BRINP3: variants seen among roughly 807,000 people sequenced by gnomAD.
BRINP3 encodes the protein BMP/retinoic acid-inducible neural-specific protein 3.
BRINP3 carries 19 observed loss-of-function variants against 71.0 expected under a neutral mutation model. The ratio of observed to expected loss-of-function variants is 0.27; its 90% CI spans 0.19 to 0.39. The LOEUF is 0.39. BRINP3 is among the 10% of genes least tolerant of loss of function. The pLI is 1.00. For missense variants in BRINP3, 959 were observed against 940.8 expected (o/e 1.02, Z -0.25); for synonymous variants, 380 against 337.7 (o/e 1.13, Z -1.37).
chr1:190,290,910 CGT>C (rs898766164), intron 2 of BRINP3, among the ~76,000 whole-genome samples: 14 of 149,332 alleles, frequency 9.4e-5, no homozygotes, highest in Admixed American at 2.0e-4. Flanking sequence ...TGTGTGTGCA[CGT>C]GTGTGTGTGT....
chr1:190,318,922 C>T (rs568453598), intron 2 of BRINP3, among the ~76,000 whole-genome samples: 4 of 151,880 alleles, frequency 2.6e-5, no homozygotes, highest in South Asian at 2.1e-4. Flanking sequence ...ATATTTTGTT[C>T]GGATGTAGAT....
At chr1:190,310,768 G>T (rs1047336307) in intron 2 of BRINP3, among the ~76,000 whole-genome samples, 6 of 151,418 alleles carry the variant, frequency 4.0e-5, no homozygotes, top group African/African-American at 1.5e-4. Flanking sequence ...TTTCTCCAAG[G>T]CTTTTAATTG....
chr1:190,362,590 C>T (rs774010593), intron 2 of BRINP3, among the ~76,000 whole-genome samples: 4 of 152,180 alleles, frequency 2.6e-5, no homozygotes, highest in Admixed American at 6.5e-5. Context: ...ACTCAAATCT[C>T]ATCTTGAATT....
At chr1:190,217,336 T>A (rs896391255) in intron 6 of BRINP3, among the ~76,000 whole-genome samples, 1 of 151,824 alleles carries the variant, frequency 6.6e-6, no homozygotes. Flanking sequence ...ATTTTGTTTA[T>A]CTGTTATGAG....
At chr1:190,430,669 A>G (rs981497743) in intron 2 of BRINP3, among the ~76,000 whole-genome samples, 2 of 152,202 alleles carry the variant, frequency 1.3e-5, no homozygotes, top group African/African-American at 4.8e-5. Flanking sequence ...AACTTCAACT[A>G]TTATAAGGGA....
At position 190,101,180 on chromosome 1, in the gene BRINP3, G is replaced by A. The variant is rs549907361; in HGVS notation, c.1185-2046C>T. Among the ~76,000 whole-genome samples, 43 of 152,242 alleles carry A rather than the reference G, an allele frequency of 2.8e-4. 1 individual carries two copies. In the South Asian group the frequency reaches 6.6e-3, roughly 23 times the overall value. ...CTGTGATATTCTCTTACAGCAGCATGAAGTGGACTAAGATAATTTATTTCT... is the reference window on the plus strand; with the variant it reads ...CTGTGATATTCTCTTACAGCAGCATAAAGTGGACTAAGATAATTTATTTCT... On this transcript the variant is annotated intron_variant, in intron 7 of 7. Transcript: ENST00000367462.
intron 2 of BRINP3, among the ~76,000 whole-genome samples, chr1:190,403,836 C>T (rs1571962278): frequency 6.6e-6 from 1 of 152,310 alleles, no homozygotes; most frequent in Admixed American, 6.5e-5. Context: ...TTTCGAATAA[C>T]TTTTCATTCC....
At chr1:190,432,048 G>T (rs1674133200) in intron 2 of BRINP3, among the ~76,000 whole-genome samples, 1 of 152,006 alleles carries the variant, frequency 6.6e-6, no homozygotes, top group Non-Finnish European at 1.5e-5. Flanking sequence ...TAACAAACAT[G>T]TTCATATATA....
rs1369549749 is a variant in BRINP3, at chr1:190,147,297, A to G, written c.1184+13371T>C. Among the ~76,000 whole-genome samples the G allele has an allele frequency of 2.0e-5, 3 of 152,140 alleles. No individual in the cohort carries two copies. The East Asian group carries it at 5.8e-4, about 29-fold the overall frequency. On this transcript the variant is annotated intron_variant, in intron 7 of 7. Transcript: ENST00000367462. Reference sequence around the variant, plus strand: ...TTACTGGCAAACTTACTAAACAAGGATAAACAATAAGTAATAGAAGACGAT... The same window carrying G: ...TTACTGGCAAACTTACTAAACAAGGGTAAACAATAAGTAATAGAAGACGAT...
intron 7 of BRINP3, among the ~76,000 whole-genome samples, chr1:190,113,524 C>G (rs895038163): frequency 6.6e-6 from 1 of 152,140 alleles, no homozygotes; most frequent in Non-Finnish European, 1.5e-5. Flanking sequence ...GTTAAACAAA[C>G]AGCATGTGTC....
At chr1:190,446,082 C>T (rs1471702207) in intron 2 of BRINP3, among the ~76,000 whole-genome samples, 2 of 151,952 alleles carry the variant, frequency 1.3e-5, no homozygotes, top group Non-Finnish European at 2.9e-5. Context: ...GCTCTTCTGA[C>T]AGTGGATTAT....
intron 2 of BRINP3, among the ~76,000 whole-genome samples, chr1:190,428,710 A>G (rs973521391): frequency 1.3e-5 from 2 of 152,096 alleles, no homozygotes; most frequent in Non-Finnish European, 2.9e-5. Flanking sequence ...GATGATACAT[A>G]TCCTACTTAC....
chr1:190,431,433 A>G (rs532526772), intron 2 of BRINP3, among the ~76,000 whole-genome samples: 5 of 152,210 alleles, frequency 3.3e-5, no homozygotes, highest in South Asian at 4.2e-4. Context: ...ATCTCAGCTC[A>G]CTGCAAACTT....
intron 3 of BRINP3, among the ~76,000 whole-genome samples, chr1:190,274,819 A>G (rs965948924): frequency 6.6e-6 from 1 of 151,562 alleles, no homozygotes; most frequent in African/African-American, 2.4e-5. Flanking sequence ...TGTTTTAGAA[A>G]TAGATATACA....
chr1:190,477,214 A>C (rs563360064), intron 1 of BRINP3, among the ~76,000 whole-genome samples: 1 of 152,340 alleles, frequency 6.6e-6, no homozygotes, highest in African/African-American at 2.4e-5. Flanking sequence ...TATTTTAAAA[A>C]TAAAGAAGGT....
intron 3 of BRINP3, among the ~76,000 whole-genome samples, chr1:190,278,712 TG>T (rs1312389538): frequency 6.6e-6 from 1 of 151,644 alleles, no homozygotes; most frequent in Non-Finnish European, 1.5e-5. Context: ...TGAGTAAGGT[TG>T]TTAATTCCAT....
At chr1:190,329,004 C>G (rs1475217825) in intron 2 of BRINP3, among the ~76,000 whole-genome samples, 1 of 151,962 alleles carries the variant, frequency 6.6e-6, no homozygotes, top group African/African-American at 2.4e-5. Flanking sequence ...AAGAAATTCA[C>G]TGTTGAAGGC....
At chr1:190,429,259 A>C (rs567802746) in intron 2 of BRINP3, among the ~76,000 whole-genome samples, 13 of 152,276 alleles carry the variant, frequency 8.5e-5, no homozygotes, top group African/African-American at 3.1e-4. Context: ...CATATGTGCA[A>C]AGATACTCAT....
chr1:190,098,731 G>T lies in BRINP3; in HGVS notation c.1588C>A (p.Arg530Ser). 1 of 1,614,186 alleles carries T rather than the reference G, an allele frequency of 6.2e-7. No individual in the cohort carries two copies. Among genetic ancestry groups the T allele is most frequent in the Non-Finnish European group, 8.5e-7 (1 of 1,180,038 alleles). The change falls in exon 8 of 8, where the codon CGT (arginine) becomes AGT (serine). Residue 530 changes from arginine to serine, a missense_variant. By Grantham distance (110) the Arg-to-Ser change is moderately radical. Coordinates refer to ENST00000367462, the MANE Select transcript of BRINP3 (RefSeq NM_199051.3). The part of the protein sequence containing the change: ...RLNSWFDPSW[R>S]KRMLLTLKSN... ...TTCAAGGTGAGGAGCATCCGCTTAC[G>T]CCAGGAGGGATCAAACCAGCTATTG...
Sources: gnomAD v4.1 joint callset for allele counts (sites outside exome capture counted in the v4.1 genomes callset) on GRCh38, gnomAD v4.1.1 for gene constraint, MANE v1.5 for transcripts, NCBI Gene and HGNC (gene_info 2026-07-23, HGNC 2026-07-21) for gene names.